Variants in ADD3 observed in about 807,000 individuals in gnomAD.
ADD3 encodes adducin 3.
ADD3 carries 25 observed loss-of-function variants against 80.2 expected under a neutral mutation model. The observed-to-expected ratio is 0.31, with a 90% CI of 0.23 to 0.44. The LOEUF is 0.44. Among genes scored for constraint, ADD3 ranks in the 20% least tolerant of loss-of-function variants. The probability of loss-of-function intolerance (pLI) is 1.00; values close to 1 mark genes in which losing one functional copy is unlikely to be tolerated. For synonymous variants in ADD3, 284 were observed against 289.6 expected, an observed-to-expected ratio of 0.98 and a Z score of 0.20; for missense variants, 829 against 847.5, an observed-to-expected ratio of 0.98 and a Z score of 0.27.
chr10:110,129,920 CATT>C (rs1852726624), intron 12 of ADD3, among the ~76,000 whole-genome samples: 1 of 152,144 alleles, frequency 6.6e-6, no homozygotes, highest in Admixed American at 6.6e-5. Context: ...CTGAAATTCT[CATT>C]ATTTCCTTTC....
At chr10:110,092,798 C>A (rs753065640) in intron 1 of ADD3, among the ~76,000 whole-genome samples, 14 of 151,622 alleles carry the variant, frequency 9.2e-5, no homozygotes, top group Non-Finnish European at 1.3e-4. Flanking sequence ...AAAAAAAACC[C>A]CTCAGTTTTC....
At chr10:110,070,945 T>C in intron 1 of ADD3, among the ~76,000 whole-genome samples, 1 of 82,654 alleles carries the variant, frequency 1.2e-5, no homozygotes, top group East Asian at 6.4e-4. Context: ...TCATGTGGGT[T>C]TTTTTTTTTG....
chr10:110,120,149 G>A (rs1157244899), intron 8 of ADD3, among the ~76,000 whole-genome samples: 1 of 148,324 alleles, frequency 6.7e-6, no homozygotes, highest in Non-Finnish European at 1.5e-5. Flanking sequence ...ATGTATACAT[G>A]TGCCATGCTG....
At position 110,111,706 on chromosome 10, in the gene ADD3, G is replaced by A. The variant is rs189542714; in HGVS notation, c.196-1071G>A. Among the ~76,000 whole-genome samples the A allele has an allele frequency of 3.7e-3, 568 of 152,156 alleles. 2 individuals are homozygous for A. The highest frequency in any genetic ancestry group is 6.5e-3 in the Non-Finnish European group (442 of 67,982). Reference sequence around the variant, plus strand: ...AGAGGTGGGCGGATCACCTGAGGTCGGCAGTTCAAGACCAGCCTGACCAAC... The same window carrying A: ...AGAGGTGGGCGGATCACCTGAGGTCAGCAGTTCAAGACCAGCCTGACCAAC... On this transcript the variant is annotated intron_variant, in intron 2 of 14. Coordinates refer to ENST00000356080, the MANE Select transcript of ADD3 (RefSeq NM_016824.5).
At chr10:110,116,940 T>G (rs142227866) in intron 4 of ADD3, among the ~76,000 whole-genome samples, 29 of 152,338 alleles carry the variant, frequency 1.9e-4, no homozygotes, top group Non-Finnish European at 3.8e-4. Flanking sequence ...CCACCTTCCA[T>G]CTTTATTTTA....
chr10:110,003,165 A>C (rs369968711), upstream of ADD3, among the ~76,000 whole-genome samples: 3 of 151,890 alleles, frequency 2.0e-5, no homozygotes, highest in Non-Finnish European at 4.4e-5. Flanking sequence ...AGCTTTAAAA[A>C]GGTAAATTTT....
chr10:110,092,686 G>A (rs1847682405), intron 1 of ADD3, among the ~76,000 whole-genome samples: 1 of 151,994 alleles, frequency 6.6e-6, no homozygotes, highest in Non-Finnish European at 1.5e-5. Flanking sequence ...ATTTACCTAT[G>A]TAACAGACCT....
In ADD3 at chr10:110,118,634, TTTGAAAA is replaced by T; in HGVS notation, c.620_626del (p.Lys207ThrfsTer21). 1 of 1,613,954 alleles carries T rather than the reference TTTGAAAA, an allele frequency of 6.2e-7. No individual in the cohort carries two copies. The highest frequency in any genetic ancestry group is 8.5e-7 in the Non-Finnish European group (1 of 1,179,812). ...AAGTGGTTGACCAGGGAAGTACCAA[TTTGAAAA>T]TTGACCATACAGGATTCAGTCCCCA... On this transcript the variant is annotated frameshift_variant, in exon 6 of 15. Transcript: ENST00000356080. LOFTEE classifies it high-confidence loss of function.
intron 4 of ADD3, among the ~76,000 whole-genome samples, chr10:110,116,931 C>T (rs1419608042): frequency 1.3e-5 from 2 of 152,128 alleles, no homozygotes. Context: ...TCTTCCTTTC[C>T]ACCTTCCATC....
intron 1 of ADD3, among the ~76,000 whole-genome samples, chr10:110,042,422 T>C (rs1856473411): frequency 6.6e-6 from 1 of 152,154 alleles, no homozygotes; most frequent in Non-Finnish European, 1.5e-5. Flanking sequence ...TTGTTCGTGT[T>C]TGTCGGTCAG....
chr10:110,108,673 T>G (rs766215312), intron 2 of ADD3, among the ~76,000 whole-genome samples: 23 of 151,816 alleles, frequency 1.5e-4, no homozygotes, highest in Admixed American at 9.8e-4. Context: ...ATATTAGTCT[T>G]ATATTAGTAA....
intron 1 of ADD3, among the ~76,000 whole-genome samples, chr10:110,044,055 T>C (rs1402946897): frequency 1.3e-5 from 2 of 151,916 alleles, no homozygotes; most frequent in Non-Finnish European, 2.9e-5. Flanking sequence ...ATACAAAAAT[T>C]ATGCAGGCAT....
chr10:110,121,083 G>A (rs1851434359), intron 8 of ADD3, among the ~76,000 whole-genome samples: 1 of 152,016 alleles, frequency 6.6e-6, no homozygotes, highest in African/African-American at 2.4e-5. Context: ...TCAGGACATA[G>A]GCATGGGCAA....
chr10:110,080,178 C>A (rs2133758671), intron 1 of ADD3, among the ~76,000 whole-genome samples: 1 of 152,304 alleles, frequency 6.6e-6, no homozygotes, highest in South Asian at 2.1e-4. Context: ...GAAGTCATTT[C>A]TCCTCAGAGC....
chr10:110,086,473 TATTAA>T (rs1369756077), intron 1 of ADD3, among the ~76,000 whole-genome samples: 6 of 152,160 alleles, frequency 3.9e-5, no homozygotes, highest in Non-Finnish European at 5.9e-5. Flanking sequence ...GCAAATCTCA[TATTAA>T]ATTGTGATTC....
At chr10:110,064,613 C>T (rs1269800593) in intron 1 of ADD3, among the ~76,000 whole-genome samples, 1 of 152,050 alleles carries the variant, frequency 6.6e-6, no homozygotes, top group African/African-American at 2.4e-5. Flanking sequence ...TATCAGTGGT[C>T]TAAAAAGATA....
intron 1 of ADD3, among the ~76,000 whole-genome samples, chr10:110,035,996 A>G (rs1462648453): frequency 6.6e-6 from 1 of 152,016 alleles, no homozygotes; most frequent in Non-Finnish European, 1.5e-5. Context: ...CTAAAAATAC[A>G]AAAAATGAGC....
chr10:110,055,810 C>T (rs1169377691), intron 1 of ADD3, among the ~76,000 whole-genome samples: 1 of 152,150 alleles, frequency 6.6e-6, no homozygotes, highest in Non-Finnish European at 1.5e-5. Flanking sequence ...TGTAAAAGTG[C>T]ATTATAAACT....
At chr10:110,123,392 T>TTA (rs962117927) in intron 9 of ADD3, among the ~76,000 whole-genome samples, 2 of 148,122 alleles carry the variant, frequency 1.4e-5, no homozygotes, top group Non-Finnish European at 2.9e-5. Context: ...TTTCATCTTT[T>TTA]TTATAATAGC....
Sources: gnomAD v4.1 joint callset for allele counts (sites outside exome capture counted in the v4.1 genomes callset) on GRCh38, gnomAD v4.1.1 for gene constraint, MANE v1.5 for transcripts, NCBI Gene and HGNC (gene_info 2026-07-23, HGNC 2026-07-21) for gene names.